The following CDK12 variants were observed in gnomAD, a reference collection of about 807,000 sequenced individuals.
CDK12 encodes cyclin dependent kinase 12.
Under a neutral mutation model 133.8 loss-of-function variants are expected in CDK12, and 17 were observed. The ratio of observed to expected loss-of-function variants is 0.13; its 90% confidence interval spans 0.09 to 0.19. The LOEUF (loss-of-function observed/expected upper bound fraction) is 0.19. CDK12 is among the 10% of genes least tolerant of loss of function. The pLI, the probability that CDK12 is intolerant of heterozygous loss-of-function variation, is 1.00. For missense variants in CDK12, 1,508 were observed against 1,818.7 expected (o/e 0.83, Z 3.11); for synonymous variants, 694 against 683.6 (o/e 1.02, Z -0.24).
chr17:39,552,745 G>C (rs548396485), intron 2 of CDK12, among the ~76,000 whole-genome samples: 1 of 152,240 alleles, frequency 6.6e-6, no homozygotes, highest in South Asian at 2.1e-4. Context: ...GTTTGTTTTT[G>C]AGATGGAGTC....
Position 39,534,381 on chromosome 17 carries a change from CCT to C in CDK12, c.*3066_*3067del, listed in dbSNP as rs989146917. ...AAGTGTCAGTTGCCACCTCATTCTCCCTGATTTAGGTTCCTGACACTGATTCC... is the reference window on the plus strand; with the variant it reads ...AAGTGTCAGTTGCCACCTCATTCTCCGATTTAGGTTCCTGACACTGATTCC... On this transcript the variant is annotated 3_prime_UTR_variant, in exon 14 of 14. Transcript: ENST00000447079. The C allele has an allele frequency of 8.6e-6, 2 of 232,726 alleles. No individual in the cohort carries two copies. Among genetic ancestry groups the C allele is most frequent in the African/African-American group, 4.4e-5 (2 of 45,284 alleles). The allele number at this position is 232,726 out of a possible 1,614,324, so 14.4% of individuals were successfully genotyped here.
chr17:39,527,118 T>C (rs1229845614), intron 13 of CDK12, among the ~76,000 whole-genome samples: 2 of 152,214 alleles, frequency 1.3e-5, no homozygotes, highest in African/African-American at 4.8e-5. Context: ...TCACTGTCCA[T>C]GAAGACCCCA....
intron 11 of CDK12, among the ~76,000 whole-genome samples, chr17:39,521,948 G>A (rs772305291): frequency 6.6e-6 from 1 of 150,536 alleles, no homozygotes; most frequent in Non-Finnish European, 1.5e-5. Context: ...TGATTCTCCC[G>A]CCTCAGCCTT....
chr17:39,494,782 T>C, intron 5 of CDK12, 88 bp downstream of exon 5: 1 of 1,063,704 alleles, frequency 9.4e-7, no homozygotes, highest in Non-Finnish European at 1.3e-6. Flanking sequence ...TCTTTTTTTT[T>C]TTTTTGAGAC....
chr17:39,555,260 A>AAATT (rs2056110319), intron 2 of CDK12, among the ~76,000 whole-genome samples: 1 of 152,200 alleles, frequency 6.6e-6, no homozygotes, highest in Non-Finnish European at 1.5e-5. Context: ...CTCAAAAAAT[A>AAATT]AATTAATTAA....
chr17:39,497,468 G>A (rs759589275), intron 5 of CDK12, among the ~76,000 whole-genome samples: 2 of 151,712 alleles, frequency 1.3e-5, no homozygotes, highest in Middle Eastern at 3.2e-3. Context: ...GTTTGAACCC[G>A]GGAGGTAGAG....
chr17:39,536,465 A>C (rs184341793), downstream of CDK12, among the ~76,000 whole-genome samples: 6 of 152,202 alleles, frequency 3.9e-5, no homozygotes, highest in East Asian at 7.7e-4. Flanking sequence ...ACAAAAGATT[A>C]TTTTGTACCC....
At chr17:39,558,206 T>C (rs1373492584) in intron 3 of CDK12, among the ~76,000 whole-genome samples, 2 of 152,156 alleles carry the variant, frequency 1.3e-5, no homozygotes, top group Admixed American at 1.3e-4. Flanking sequence ...GGAAAGAAAG[T>C]AGTCCCAATA....
At chr17:39,487,485 T>C (rs958894555) in intron 2 of CDK12, among the ~76,000 whole-genome samples, 19 of 152,150 alleles carry the variant, frequency 1.2e-4, no homozygotes, top group Admixed American at 1.1e-3. Flanking sequence ...CTCAGATCTT[T>C]TTCAACCATC....
intron 6 of CDK12, among the ~76,000 whole-genome samples, chr17:39,502,048 T>C (rs1227726284): frequency 6.6e-6 from 1 of 151,788 alleles, no homozygotes; most frequent in African/African-American, 2.4e-5. Flanking sequence ...TTTCACTATA[T>C]TGGCCAGGCT....
At chr17:39,553,308 C>G (rs1207576130) in intron 2 of CDK12, among the ~76,000 whole-genome samples, 1 of 151,994 alleles carries the variant, frequency 6.6e-6, no homozygotes, top group Non-Finnish European at 1.5e-5. Flanking sequence ...TCTGTAGCTT[C>G]CAAAGCCATG....
Position 39,496,040 on chromosome 17 carries a change from T to C in CDK12, c.2419+1346T>C, listed in dbSNP as rs1010134749. 8.6e-5 allele frequency among the ~76,000 whole-genome samples: 13 copies of C among 151,778 alleles called. 1 individual carries two copies. Among genetic ancestry groups the C allele is most frequent in the Admixed American group, 3.9e-4 (6 of 15,212 alleles). ...AATTCTCCTGCCTCAGCCTCCCGGG[T>C]AGCTGGGATTACAGGCATGTGCCAC... On this transcript the variant is annotated intron_variant, in intron 5 of 13. Coordinates refer to ENST00000447079, the MANE Select transcript of CDK12 (RefSeq NM_016507.4).
rs567425801 is a variant in CDK12 at position 39,494,538 on chromosome 17, C to T, written c.2263C>T (p.Leu755=). 62 of 1,613,914 alleles carry T rather than the reference C, an allele frequency of 3.8e-5. No individual in the cohort carries two copies. In the South Asian group the frequency reaches 6.6e-4, roughly 17 times the overall value. Residue 755 remains leucine (L), a synonymous_variant, in exon 5 of 14, where the codon CTG becomes TTG. Coordinates refer to ENST00000447079, the MANE Select transcript of CDK12 (RefSeq NM_016507.4). ...KDKDTGELVA[L]KKVRLDNEKE... Reference sequence around the variant, plus strand: ...TGTTTTGGCAGGAGAACTAGTGGCTCTGAAGAAGGTGAGACTAGACAATGA... The same window carrying T: ...TGTTTTGGCAGGAGAACTAGTGGCTTTGAAGAAGGTGAGACTAGACAATGA...
chr17:39,495,617 C>T (rs2052037869), intron 5 of CDK12, among the ~76,000 whole-genome samples: 2 of 151,342 alleles, frequency 1.3e-5, no homozygotes, highest in Non-Finnish European at 2.9e-5. Flanking sequence ...CGGCAAAACC[C>T]TGACTCTACT....
intron 3 of CDK12, among the ~76,000 whole-genome samples, 194 bp from the exon 4 acceptor site, chr17:39,492,557 G>A (rs545778838): frequency 2.0e-5 from 3 of 149,920 alleles, no homozygotes; most frequent in East Asian, 4.0e-4. Context: ...ACAGGCGCCC[G>A]CTACCACGCC....
chr17:39,492,128 G>T (rs1383048697), intron 3 of CDK12, among the ~76,000 whole-genome samples: 7 of 136,850 alleles, frequency 5.1e-5, no homozygotes, highest in Non-Finnish European at 9.2e-5. Context: ...TCGGAGTCTC[G>T]CTCTGCTGCC....
chr17:39,468,481 AT>A (rs1194079341), intron 1 of CDK12, among the ~76,000 whole-genome samples: 3 of 151,650 alleles, frequency 2.0e-5, no homozygotes, highest in Non-Finnish European at 4.4e-5. Flanking sequence ...TATTTTATTT[AT>A]TTATTTTTTT....
intron 1 of CDK12, among the ~76,000 whole-genome samples, chr17:39,467,524 G>A (rs544914727): frequency 2.6e-5 from 4 of 152,258 alleles, no homozygotes; most frequent in African/African-American, 7.2e-5. Context: ...TGTAGCATTT[G>A]TATCACTAAA....
chr17:39,487,023 A>G (rs931891460), intron 2 of CDK12, among the ~76,000 whole-genome samples: 8 of 152,170 alleles, frequency 5.3e-5, no homozygotes, highest in South Asian at 2.1e-4. Context: ...AAAAGAATCT[A>G]TATTACATTG....
Sources: gnomAD v4.1 joint callset for allele counts (sites outside exome capture counted in the v4.1 genomes callset) on GRCh38, gnomAD v4.1.1 for gene constraint, MANE v1.5 for transcripts, NCBI Gene and HGNC (gene_info 2026-07-23, HGNC 2026-07-21) for gene names.